ASCC3: variants seen among roughly 807,000 people sequenced by gnomAD.
The protein encoded by ASCC3 is ASC-1 complex subunit P200.
Under a neutral mutation model 256.3 loss-of-function variants are expected in ASCC3, and 158 were observed. The observed-to-expected ratio is 0.62, with a 90% confidence interval of 0.54 to 0.70. ASCC3 has a LOEUF of 0.70. ASCC3 is among the 30% of genes least tolerant of loss of function. ASCC3 has a pLI of 0.00. For missense variants in ASCC3, 2,259 were observed against 2,626.0 expected, an observed-to-expected ratio of 0.86 and a Z score of 3.05; for synonymous variants, 948 against 883.4, an observed-to-expected ratio of 1.07 and a Z score of -1.30.
intron 13 of ASCC3, among the ~76,000 whole-genome samples, chr6:100,701,380 A>G (rs189442015): frequency 1.6e-4 from 24 of 152,172 alleles, no homozygotes; most frequent in Non-Finnish European, 3.1e-4. Flanking sequence ...GCCTGCCACC[A>G]TCCATGTAAG....
chr6:100,655,726 T>G lies in ASCC3; in HGVS notation c.2796A>C (p.Ala932=), dbSNP rs763803147. The G allele has an allele frequency of 1.1e-5, 17 of 1,611,572 alleles. No individual in the cohort carries two copies. Among genetic ancestry groups the G allele is most frequent in the Non-Finnish European group, 1.4e-5 (16 of 1,179,012 alleles). ...LYVRMRANPL[A]YGISHKAYQI... ...GATAAGCCTTGTGACTGATGCCATA[T>G]GCTAATGGATTTGCTCTCATCCGTA... Residue 932 remains alanine (A), a synonymous_variant, in exon 17 of 42, where the codon GCA becomes GCC. Coordinates refer to ENST00000369162, the MANE Select transcript of ASCC3 (RefSeq NM_006828.4).
intron 13 of ASCC3, among the ~76,000 whole-genome samples, chr6:100,683,395 G>C (rs1777401624): frequency 6.6e-6 from 1 of 152,030 alleles, no homozygotes; most frequent in East Asian, 1.9e-4. Flanking sequence ...GCAGCCAAGA[G>C]AAATATTAGT....
chr6:100,542,276 C>T (rs1208210193), intron 36 of ASCC3, among the ~76,000 whole-genome samples: 2 of 151,970 alleles, frequency 1.3e-5, no homozygotes, highest in African/African-American at 4.8e-5. Context: ...TGAAAAGCAG[C>T]CAGAGGAAAC....
chr6:100,654,778 T>C (rs1206483899), intron 17 of ASCC3, among the ~76,000 whole-genome samples: 1 of 151,972 alleles, frequency 6.6e-6, no homozygotes, highest in Non-Finnish European at 1.5e-5. Context: ...TCAGAACTAA[T>C]TGCTGCTGCT....
At chr6:100,720,754 A>G (rs1779288958) in intron 11 of ASCC3, among the ~76,000 whole-genome samples, 1 of 151,094 alleles carries the variant, frequency 6.6e-6, no homozygotes. Flanking sequence ...GTACAAAACG[A>G]TATAATTAGA....
chr6:100,847,617 G>A (rs1772447020), intron 4 of ASCC3, among the ~76,000 whole-genome samples: 1 of 151,938 alleles, frequency 6.6e-6, no homozygotes, highest in African/African-American at 2.4e-5. Context: ...TATTTAACAT[G>A]TTACTTACCA....
intron 34 of ASCC3, among the ~76,000 whole-genome samples, chr6:100,601,185 T>C (rs904091265): frequency 2.6e-5 from 4 of 152,112 alleles, no homozygotes; most frequent in Admixed American, 6.6e-5. Flanking sequence ...GTCACTCTCA[T>C]AGGCTTGAAT....
chr6:100,823,210 C>G (rs1221154110), intron 4 of ASCC3, among the ~76,000 whole-genome samples: 2 of 152,146 alleles, frequency 1.3e-5, no homozygotes, highest in Non-Finnish European at 2.9e-5. Flanking sequence ...AGAACAGGTG[C>G]TGTTCTCACT....
chr6:100,661,656 A>G (rs532154281), intron 16 of ASCC3, 150 bp downstream of exon 16: 52 of 745,254 alleles, frequency 7.0e-5, no homozygotes, highest in African/African-American at 5.6e-4. Flanking sequence ...AATCAACAAT[A>G]ATGCCATTCA....
rs1235701624 is a variant in ASCC3 at position 100,587,299 on chromosome 6, G to GT, written c.5550+2334dup. Among the ~76,000 whole-genome samples the GT allele has an allele frequency of 3.4e-5, 5 of 148,882 alleles. No individual in the cohort carries two copies. In the East Asian group the frequency reaches 5.9e-4, roughly 18 times the overall value. On this transcript the variant is annotated intron_variant, in intron 36 of 41. Coordinates refer to ENST00000369162, the MANE Select transcript of ASCC3 (RefSeq NM_006828.4). ...TGAGTCATTTGGTAGTCTTTTCATG[G>GT]TAAAAAAAAAAAAAAGTCATTTAAA...
rs757412315 is a variant in ASCC3 at position 100,631,106 on chromosome 6, T to C, written c.4208+22A>G. On this transcript the variant is annotated intron_variant, in intron 26 of 41. Coordinates refer to ENST00000369162, the MANE Select transcript of ASCC3 (RefSeq NM_006828.4). ...TTTTAGTCAATTCAAAGCGTATCTT[T>C]TGAGTAAAAGTAAGAACTTACTTTT... 3.3e-6 allele frequency: 5 copies of C among 1,538,058 alleles called. No homozygotes were observed. In the Admixed American group the frequency reaches 5.1e-5, roughly 16 times the overall value.
intron 16 of ASCC3, among the ~76,000 whole-genome samples, chr6:100,661,360 A>C (rs9498016): frequency 0.1 from 8,102 of 80,612 alleles, 430 homozygotes; most frequent in East Asian, 0.33. Context: ...CACACACACA[A>C]AACAAATGAT....
intron 10 of ASCC3, among the ~76,000 whole-genome samples, chr6:100,760,130 T>C (rs185053792): frequency 2.6e-4 from 40 of 152,224 alleles, no homozygotes; most frequent in South Asian, 1.2e-3. Flanking sequence ...CTCTTTCTAT[T>C]TGAATACCAA....
rs562584791 is a variant in ASCC3, at chr6:100,839,029, CTT to C, written c.801+9117_801+9118del. Among the ~76,000 whole-genome samples, 371 of 152,076 alleles carry C rather than the reference CTT, an allele frequency of 2.4e-3. 1 individual carries two copies. The highest frequency in any genetic ancestry group is 4.4e-3 in the Non-Finnish European group (299 of 67,878). The stretch of plus-strand genomic sequence containing the variant: ...TCAAATACGATTAACAGAAACATAT[CTT>C]TGTTTTACTAATAAAATGCATTTAT... On this transcript the variant is annotated intron_variant, in intron 4 of 41. Coordinates refer to ENST00000369162, the MANE Select transcript of ASCC3 (RefSeq NM_006828.4).
chr6:100,696,829 G>A (rs2114992531), intron 13 of ASCC3, among the ~76,000 whole-genome samples: 1 of 152,084 alleles, frequency 6.6e-6, no homozygotes, highest in South Asian at 2.1e-4. Context: ...TTTCACAGAA[G>A]TGAATATTTT....
chr6:100,733,873 C>T (rs982172038), intron 10 of ASCC3, among the ~76,000 whole-genome samples: 1 of 152,080 alleles, frequency 6.6e-6, no homozygotes, highest in African/African-American at 2.4e-5. Flanking sequence ...GTTCTTCTCC[C>T]CTAAAACATA....
At chr6:100,567,723 A>G (rs1770341987) in intron 36 of ASCC3, among the ~76,000 whole-genome samples, 2 of 152,108 alleles carry the variant, frequency 1.3e-5, no homozygotes, top group South Asian at 4.1e-4. Flanking sequence ...TGCAAAGGAC[A>G]TGATTTCTTT....
chr6:100,721,686 C>A (rs895884841), intron 11 of ASCC3, among the ~76,000 whole-genome samples: 2 of 151,642 alleles, frequency 1.3e-5, no homozygotes, highest in African/African-American at 2.4e-5. Flanking sequence ...TGCATATACA[C>A]ATATTTTTAA....
intron 14 of ASCC3, among the ~76,000 whole-genome samples, chr6:100,666,651 A>C (rs1776488766): frequency 6.6e-6 from 1 of 152,192 alleles, no homozygotes; most frequent in African/African-American, 2.4e-5. Flanking sequence ...TACTGCACAC[A>C]AAAGTATAAG....
Sources: allele counts gnomAD v4.1 joint callset (sites outside exome capture counted in the v4.1 genomes callset), GRCh38; gene constraint gnomAD v4.1.1; transcripts MANE v1.5; gene names NCBI Gene and HGNC (gene_info 2026-07-23, HGNC 2026-07-21).